The following HBP1 variants were observed in gnomAD, a reference collection of about 807,000 sequenced individuals.
HBP1 encodes the protein HMG box-containing protein 1.
HBP1 carries 20 observed loss-of-function variants against 62.6 expected under a neutral mutation model. That is an observed-to-expected ratio of 0.32 (90% confidence interval 0.22 to 0.46). The LOEUF is 0.46. Among genes scored for constraint, HBP1 ranks in the 20% least tolerant of loss-of-function variants. The pLI is 1.00. For missense variants in HBP1, 480 were observed against 611.8 expected (o/e 0.78, Z 2.27); for synonymous variants, 232 against 206.2 (o/e 1.12, Z -1.07).
intron 8 of HBP1, among the ~76,000 whole-genome samples, chr7:107,191,370 TATATAGATTAATGATAACTCC>T (rs1249139002): frequency 6.6e-6 from 1 of 152,210 alleles, no homozygotes; most frequent in Non-Finnish European, 1.5e-5. Flanking sequence ...ATACTTAGGA[TATATAGATTAATGATAACTCC>T]TATGTTTTGG....
chr7:107,180,134 C>T, intron 2 of HBP1, 72 bp downstream of exon 2: 2 of 881,632 alleles, frequency 2.3e-6, no homozygotes, highest in Non-Finnish European at 3.6e-6. Flanking sequence ...GCCCGCTTCT[C>T]CACCAACCTT....
At chr7:107,169,792 G>C (rs1251988874) in intron 1 of HBP1, 1 of 985,262 alleles carries the variant, frequency 1.0e-6, no homozygotes, top group Non-Finnish European at 1.2e-6. Flanking sequence ...CCCGGAGTCC[G>C]GGCTGCGGTC....
intron 2 of HBP1, among the ~76,000 whole-genome samples, chr7:107,181,221 G>A (rs1257112919): frequency 2.0e-5 from 3 of 152,092 alleles, no homozygotes; most frequent in Non-Finnish European, 4.4e-5. Context: ...GATGGTTCAC[G>A]CTAGTAATCG....
chr7:107,186,025 C>T, intron 4 of HBP1, 83 bp downstream of exon 4: 3 of 1,024,204 alleles, frequency 2.9e-6, no homozygotes, highest in Non-Finnish European at 4.5e-6. Flanking sequence ...GAAGTAGTCT[C>T]ACTGTTCTGT....
intron 10 of HBP1, chr7:107,200,877 A>T (rs1798225177): frequency 6.6e-6 from 1 of 152,662 alleles, no homozygotes; most frequent in African/African-American, 2.4e-5. Context: ...TTCCATTACT[A>T]AACTAGCATC....
At chr7:107,192,498 T>G (rs1797701001) in intron 8 of HBP1, 1 of 152,122 alleles carries the variant, frequency 6.6e-6, no homozygotes. Context: ...AGGAGAGTGG[T>G]TATTTCTGGG....
Position 107,185,932 on chromosome 7 carries a change from G to C in HBP1, c.530G>C (p.Arg177Thr). 1.2e-6 allele frequency: 2 copies of C among 1,612,660 alleles called. No individual in the cohort carries two copies. The highest frequency in any genetic ancestry group is 1.7e-6 in the Non-Finnish European group (2 of 1,178,794). The part of the protein sequence containing the change: ...HHHWKEETPV[R>T]HERANSESES... ...CATTGGAAGGAGGAAACACCAGTAA[G>C]ACACGAAAGGGTAAGTTTATTTATG... Residue 177 changes from arginine to threonine, a missense_variant, in exon 4 of 11, where the codon AGA becomes ACA. Transcript: ENST00000222574.
chr7:107,174,499 G>A, intron 1 of HBP1: 1 of 985,322 alleles, frequency 1.0e-6, no homozygotes, highest in Non-Finnish European at 1.2e-6. Flanking sequence ...AGAAATGATA[G>A]AAGTTGCAAA....
intron 9 of HBP1, among the ~76,000 whole-genome samples, chr7:107,199,310 G>A (rs1362560974): frequency 6.6e-6 from 1 of 152,138 alleles, no homozygotes; most frequent in Admixed American, 6.5e-5. Context: ...TTGAACTCGT[G>A]GCCTCAAGTG....
At chr7:107,176,314 G>C (rs138384771) in intron 1 of HBP1, among the ~76,000 whole-genome samples, 1 of 152,104 alleles carries the variant, frequency 6.6e-6, no homozygotes, top group Non-Finnish European at 1.5e-5. Flanking sequence ...GTGAACCACT[G>C]ATCTAGCCCC....
intron 3 of HBP1, among the ~76,000 whole-genome samples, chr7:107,184,782 G>A (rs1228509049): frequency 1.3e-5 from 2 of 152,176 alleles, no homozygotes; most frequent in African/African-American, 2.4e-5. Flanking sequence ...AGTGCTGGGT[G>A]GGATTACAGG....
Position 107,202,397 on chromosome 7 carries a change from T to TTAG in HBP1, c.*966_*967insTAG, listed in dbSNP as rs1798396372. The TTAG allele has an allele frequency of 6.6e-6, 1 of 152,654 alleles. No homozygotes were observed. Among genetic ancestry groups the TTAG allele is most frequent in the Non-Finnish European group, 1.5e-5 (1 of 68,046 alleles). The allele number at this position is 152,654 out of a possible 1,614,324, so 9.5% of individuals were successfully genotyped here. On this transcript the variant is annotated 3_prime_UTR_variant, in exon 11 of 11. Transcript: ENST00000222574. ...TTCATGTTACTTACCAAGTGGTGTTTCTGGTTAGGAATCACAGCTGTAAAA... is the reference window on the plus strand; with the variant it reads ...TTCATGTTACTTACCAAGTGGTGTTTTAGCTGGTTAGGAATCACAGCTGTAAAA...
chr7:107,171,071 A>ATTT lies in HBP1; in HGVS notation c.-16+1887_-16+1888insTTT, dbSNP rs1160740045. Among the ~76,000 whole-genome samples the ATTT allele has an allele frequency of 2.0e-3, 167 of 84,278 alleles. 27 individuals carry two copies. The highest frequency in any genetic ancestry group is 0.01 in the African/African-American group (128 of 12,224). The allele number at this position is 84,278 out of a possible 152,430, so 55.3% of individuals were successfully genotyped here. A position where few individuals can be genotyped will look rare whatever the true frequency, so the allele number is the denominator to read the frequency against. On this transcript the variant is annotated intron_variant, in intron 1 of 10. Transcript: ENST00000222574. The stretch of plus-strand genomic sequence containing the variant: ...AATATATATATATATATATATATAT[A>ATTT]TATTTTTTTTTTTTTTTGAGAGGGA...
At chr7:107,189,208 C>A in intron 6 of HBP1, 84 bp from the exon 7 acceptor site, 1 of 1,166,862 alleles carries the variant, frequency 8.6e-7, no homozygotes. Context: ...TTACCTTTTC[C>A]ACAAAGTCTT....
chr7:107,172,112 A>G (rs1796629263), intron 1 of HBP1, among the ~76,000 whole-genome samples: 1 of 151,962 alleles, frequency 6.6e-6, no homozygotes, highest in Admixed American at 6.6e-5. Flanking sequence ...AATTTCTACT[A>G]TCATTTTCTA....
At chr7:107,184,619 T>C (rs1470552552) in intron 3 of HBP1, among the ~76,000 whole-genome samples, 2 of 152,202 alleles carry the variant, frequency 1.3e-5, no homozygotes, top group African/African-American at 4.8e-5. Context: ...CACGCCATTC[T>C]CCTGCCTCAG....
chr7:107,186,032 C>G, intron 4 of HBP1, 90 bp downstream of exon 4: 2 of 943,118 alleles, frequency 2.1e-6, no homozygotes, highest in South Asian at 3.0e-5. Flanking sequence ...TCTCACTGTT[C>G]TGTTAGTGAT....
chr7:107,199,848 A>G (rs1442840757), intron 9 of HBP1, among the ~76,000 whole-genome samples: 1 of 152,246 alleles, frequency 6.6e-6, no homozygotes, highest in Non-Finnish European at 1.5e-5. Flanking sequence ...AGATATGCAT[A>G]GTTAATTCTA....
At chr7:107,192,142 C>T (rs542637392) in intron 8 of HBP1, among the ~76,000 whole-genome samples, 2 of 151,882 alleles carry the variant, frequency 1.3e-5, no homozygotes, top group South Asian at 4.2e-4. Flanking sequence ...AGAGCAGTCA[C>T]GTAGGTTTCT....
Sources: gnomAD v4.1 joint callset for allele counts (sites outside exome capture counted in the v4.1 genomes callset) on GRCh38, gnomAD v4.1.1 for gene constraint, MANE v1.5 for transcripts, NCBI Gene and HGNC (gene_info 2026-07-23, HGNC 2026-07-21) for gene names.